Variants in ANKRD30A observed in about 807,000 individuals in gnomAD.
The protein encoded by ANKRD30A is ankyrin repeat domain 30A.
ANKRD30A carries 170 observed loss-of-function variants against 166.3 expected under a neutral mutation model. The observed-to-expected ratio is 1.02, with a 90% CI of 0.90 to 1.16. The LOEUF (loss-of-function observed/expected upper bound fraction) is 1.16. Ranked by LOEUF, ANKRD30A falls within the 50% of genes most tolerant of loss-of-function variation. The probability of loss-of-function intolerance (pLI) is 0.00; values close to 1 mark genes in which losing one functional copy is unlikely to be tolerated. For synonymous variants in ANKRD30A, 564 were observed against 508.9 expected, an observed-to-expected ratio of 1.11 and a Z score of -1.46; for missense variants, 1,630 against 1,518.0, an observed-to-expected ratio of 1.07 and a Z score of -1.23.
intron 13 of ANKRD30A, among the ~76,000 whole-genome samples, chr10:37,155,749 TTTAGTTTTTGTTCAGCGA>T (rs1183528454): frequency 6.6e-6 from 1 of 152,080 alleles, no homozygotes; most frequent in Non-Finnish European, 1.5e-5. Context: ...ACAGCAACTG[TTTAGTTTTTGTTCAGCGA>T]TTAGCTTGTT....
the ANKRD30A span, among the ~76,000 whole-genome samples, chr10:37,253,317 C>A: frequency 6.6e-6 from 1 of 152,100 alleles, no homozygotes; most frequent in Non-Finnish European, 1.5e-5. Context: ...GACTGAGGAA[C>A]CAAATTTTTA....
chr10:37,247,404 G>A, the ANKRD30A span, among the ~76,000 whole-genome samples: 1 of 152,084 alleles, frequency 6.6e-6, no homozygotes, highest in Non-Finnish European at 1.5e-5. Context: ...TTATCTTATA[G>A]TGATTTATTA....
At chr10:37,225,928 A>C (rs1382194971) in intron 34 of ANKRD30A, among the ~76,000 whole-genome samples, 1 of 151,678 alleles carries the variant, frequency 6.6e-6, no homozygotes, top group Non-Finnish European at 1.5e-5. Flanking sequence ...TCTAAAAAAA[A>C]ATTCGGCATT....
intron 31 of ANKRD30A, among the ~76,000 whole-genome samples, chr10:37,206,339 G>A (rs935911702): frequency 1.3e-5 from 2 of 152,052 alleles, no homozygotes; most frequent in African/African-American, 4.8e-5. Context: ...GGAAGAAGGA[G>A]GTATTACTAG....
In ANKRD30A at chr10:37,152,101, G is replaced by A; in HGVS notation, c.1687G>A (p.Glu563Lys). 3 of 1,608,928 alleles carry A rather than the reference G, an allele frequency of 1.9e-6. No individual in the cohort carries two copies. The highest frequency in any genetic ancestry group is 2.2e-5 in the East Asian group (1 of 44,630). Residue 563 changes from glutamate (E) to lysine (K), a missense_variant, in exon 12 of 36, where the codon GAA (glutamate) becomes AAA (lysine). By Grantham distance (56) the Glu-to-Lys change is moderately conservative. Transcript: ENST00000361713. The part of the protein sequence containing the change: ...PPESKQKDYE[E>K]NSWDSESLCE... Reference sequence around the variant, plus strand: ...AGAATCCAAACAAAAGGACTATGAAGAAAATTCTTGGGATTCTGAGGTACT... The same window carrying A: ...AGAATCCAAACAAAAGGACTATGAAAAAAATTCTTGGGATTCTGAGGTACT...
intron 24 of ANKRD30A, among the ~76,000 whole-genome samples, chr10:37,179,054 A>ATATATATATG (rs1839984124): frequency 4.4e-5 from 6 of 135,386 alleles, no homozygotes; most frequent in African/African-American, 1.8e-4. Context: ...ATATATATAT[A>ATATATATATG]TATATATATA....
chr10:37,195,244 T>C (rs1180979618), intron 27 of ANKRD30A, among the ~76,000 whole-genome samples: 6 of 152,298 alleles, frequency 3.9e-5, no homozygotes, highest in Admixed American at 6.5e-5. Flanking sequence ...TGAGTCTTTT[T>C]TCTCTTTTTC....
At chr10:37,202,555 C>T (rs1449058564) in intron 31 of ANKRD30A, among the ~76,000 whole-genome samples, 1 of 152,104 alleles carries the variant, frequency 6.6e-6, no homozygotes, top group African/African-American at 2.4e-5. Flanking sequence ...AAAATTGATA[C>T]ACTAACATCA....
the ANKRD30A span, among the ~76,000 whole-genome samples, chr10:37,265,495 C>T: frequency 9.9e-5 from 15 of 152,182 alleles, no homozygotes; most frequent in Non-Finnish European, 2.1e-4. Flanking sequence ...AGCTGTGATG[C>T]ACACAGCCAG....
At chr10:37,171,499 T>C (rs1839560242) in intron 21 of ANKRD30A, among the ~76,000 whole-genome samples, 2 of 151,454 alleles carry the variant, frequency 1.3e-5, no homozygotes, top group South Asian at 4.1e-4. Context: ...AGTTTACACT[T>C]TTTAGAAAAT....
intron 31 of ANKRD30A, among the ~76,000 whole-genome samples, chr10:37,207,102 T>G (rs1055306541): frequency 4.6e-5 from 7 of 152,090 alleles, no homozygotes; most frequent in Non-Finnish European, 8.8e-5. Context: ...TGCAAAAAAA[T>G]GTAGGCATAA....
the ANKRD30A span, chr10:37,248,245 A>G: frequency 1.7e-6 from 1 of 603,116 alleles, no homozygotes; most frequent in Non-Finnish European, 3.3e-6. Context: ...ACAAGGGTAA[A>G]TAAGGTTGAT....
At chr10:37,194,523 G>A (rs576682709) in intron 27 of ANKRD30A, among the ~76,000 whole-genome samples, 1 of 152,104 alleles carries the variant, frequency 6.6e-6, no homozygotes, top group Admixed American at 6.5e-5. Flanking sequence ...TGTATTTTTA[G>A]TAGAGACAGG....
intron 27 of ANKRD30A, among the ~76,000 whole-genome samples, chr10:37,194,249 G>A (rs1840864514): frequency 6.6e-6 from 1 of 152,084 alleles, no homozygotes. Flanking sequence ...TAGACTATGT[G>A]TAGAATTTGT....
In ANKRD30A at chr10:37,146,386, A is replaced by T. The variant is rs578008733; in HGVS notation, c.1456-984A>T. On this transcript the variant is annotated intron_variant, in intron 8 of 35. Coordinates refer to ENST00000361713, the MANE Select transcript of ANKRD30A (RefSeq NM_052997.3). ...TAACATTCTTTTCATGCCATGCATC[A>T]TTTTTAACACTAAATAATTCTATTA... 2.4e-5 allele frequency among the ~76,000 whole-genome samples: 3 copies of T among 124,518 alleles called. No individual in the cohort carries two copies. In the East Asian group the frequency reaches 6.9e-4, roughly 29 times the overall value. The allele number at this position is 124,518 out of a possible 152,430, so 81.7% of individuals were successfully genotyped here. A position where few individuals can be genotyped will look rare whatever the true frequency, so the allele number is the denominator to read the frequency against.
At chr10:37,151,979 T>C (rs984742815) in intron 11 of ANKRD30A, 81 bp from the exon 12 acceptor site, 1 of 1,278,222 alleles carries the variant, frequency 7.8e-7, no homozygotes, top group African/African-American at 1.5e-5. Context: ...GATTCGTGAA[T>C]GAAAGTAGAT....
intron 34 of ANKRD30A, among the ~76,000 whole-genome samples, chr10:37,225,889 C>T (rs1344537013): frequency 6.6e-6 from 1 of 151,536 alleles, no homozygotes; most frequent in African/African-American, 2.4e-5. Context: ...CAATCGTCAC[C>T]ACAATCTATT....
intron 21 of ANKRD30A, among the ~76,000 whole-genome samples, chr10:37,171,742 G>C (rs1438933244): frequency 6.6e-6 from 1 of 150,992 alleles, no homozygotes; most frequent in Non-Finnish European, 1.5e-5. Context: ...TCAAACTTTT[G>C]TTTATAATGA....
intron 1 of ANKRD30A, among the ~76,000 whole-genome samples, chr10:37,126,214 C>T (rs1199053520): frequency 2.0e-5 from 3 of 152,278 alleles, no homozygotes; most frequent in East Asian, 1.9e-4. Flanking sequence ...CCCTGCAGGG[C>T]GGAGGGCCCA....
Sources: allele counts gnomAD v4.1 joint callset (sites outside exome capture counted in the v4.1 genomes callset), GRCh38; gene constraint gnomAD v4.1.1; transcripts MANE v1.5; gene names NCBI Gene and HGNC (gene_info 2026-07-23, HGNC 2026-07-21).